Variants in ABCC9 observed in about 807,000 individuals in gnomAD.
The protein encoded by ABCC9 is ATP binding cassette subfamily C member 9.
In ABCC9, 95 loss-of-function variants were observed where a neutral mutation model predicts 188.3. That is an observed-to-expected ratio of 0.50 (90% CI 0.43 to 0.60). The LOEUF (loss-of-function observed/expected upper bound fraction) is 0.60. Ranked by LOEUF, ABCC9 falls within the 20% of genes least tolerant of loss-of-function variation. The probability of loss-of-function intolerance (pLI) is 0.00; values close to 1 mark genes in which losing one functional copy is unlikely to be tolerated. For synonymous variants in ABCC9, 659 were observed against 652.7 expected (o/e 1.01, Z -0.15); for missense variants, 1,102 against 1,876.3 (o/e 0.59, Z 7.62).
chr12:21,819,356 G>A (rs1373980804), intron 31 of ABCC9, among the ~76,000 whole-genome samples: 1 of 152,082 alleles, frequency 6.6e-6, no homozygotes, highest in Non-Finnish European at 1.5e-5. Flanking sequence ...ACACATTAAT[G>A]ACAGTAATGG....
At chr12:21,840,393 TATTA>T (rs1477359172) in intron 29 of ABCC9, among the ~76,000 whole-genome samples, 1 of 152,230 alleles carries the variant, frequency 6.6e-6, no homozygotes, top group East Asian at 1.9e-4. Context: ...CCATTGTCAA[TATTA>T]ATTCTTTAAA....
At chr12:21,805,235 A>G (rs887861020) in intron 39 of ABCC9, 2 of 1,614,062 alleles carry the variant, frequency 1.2e-6, no homozygotes, top group Non-Finnish European at 1.7e-6. Context: ...CAAATTTGGG[A>G]CAGTATCACA....
intron 31 of ABCC9, among the ~76,000 whole-genome samples, chr12:21,820,939 C>T (rs2137217599): frequency 6.6e-6 from 1 of 152,282 alleles, no homozygotes; most frequent in South Asian, 2.1e-4. Flanking sequence ...TTAGAATCTA[C>T]GTTCCATGAG....
In ABCC9 at chr12:21,845,630, A is replaced by G; in HGVS notation, c.3069T>C (p.Ser1023=). 6.2e-7 allele frequency: 1 copy of G among 1,613,690 alleles called. No individual in the cohort carries two copies. Among genetic ancestry groups the G allele is most frequent in the East Asian group, 2.2e-5 (1 of 44,858 alleles). ...GATCAGCTTTTCCAGTATTGTTTATACTGTACTCCGATGTCCATGTGGCCA... is the reference window on the plus strand; with the variant it reads ...GATCAGCTTTTCCAGTATTGTTTATGCTGTACTCCGATGTCCATGTGGCCA... ...YWLATWTSEY[S]INNTGKADQT... Residue 1023 remains serine (S), a synonymous_variant, in exon 26 of 40, where the codon AGT becomes AGC. Coordinates refer to ENST00000261200, the MANE Select transcript of ABCC9 (RefSeq NM_020297.4).
intron 18 of ABCC9, among the ~76,000 whole-genome samples, chr12:21,865,218 A>G (rs768314): frequency 0.038 from 5,850 of 152,216 alleles, 249 homozygotes; most frequent in Admixed American, 0.11. Flanking sequence ...CAGAAACTCC[A>G]AAAATTGATT....
At chr12:21,857,515 C>A (rs1049732628) in intron 22 of ABCC9, among the ~76,000 whole-genome samples, 1 of 152,080 alleles carries the variant, frequency 6.6e-6, no homozygotes, top group Non-Finnish European at 1.5e-5. Flanking sequence ...TGGTCCTAAT[C>A]CCCAGAACCT....
chr12:21,906,415 T>G lies in ABCC9; in HGVS notation c.1456-127A>C, dbSNP rs368185245. 7.5e-6 allele frequency: 7 copies of G among 936,184 alleles called. No individual in the cohort carries two copies. The African/African-American group carries it at 8.4e-5, about 11-fold the overall frequency. The allele number at this position is 936,184 out of a possible 1,614,324, so 58.0% of individuals were successfully genotyped here. On this transcript the variant is annotated intron_variant, in intron 11 of 39. Transcript: ENST00000261200. ...TGGCCCTGCCACTCACTAATTAGGT[T>G]GTGAAGTTCCCAGGAGAAGCAATTA...
At chr12:21,838,050 C>G (rs1299743168) in intron 30 of ABCC9, 28 bp downstream of exon 30, 1 of 1,506,800 alleles carries the variant, frequency 6.6e-7, no homozygotes, top group East Asian at 2.3e-5. Flanking sequence ...ATTGCCTAGT[C>G]AGCTAATATA....
intron 38 of ABCC9, among the ~76,000 whole-genome samples, chr12:21,806,811 T>A (rs934438284): frequency 1.3e-5 from 2 of 152,208 alleles, no homozygotes; most frequent in African/African-American, 4.8e-5. Context: ...TCTGGACAGA[T>A]CTTTCTTGGA....
At position 21,882,998 on chromosome 12, in the gene ABCC9, T is replaced by G. The variant is rs373460348; in HGVS notation, c.1912-125A>C. 32 of 743,460 alleles carry G rather than the reference T, an allele frequency of 4.3e-5. No homozygotes were observed. In the African/African-American group the frequency reaches 5.5e-4, roughly 13 times the overall value. The allele number at this position is 743,460 out of a possible 1,614,324, so 46.1% of individuals were successfully genotyped here. On this transcript the variant is annotated intron_variant, in intron 15 of 39. Coordinates refer to ENST00000261200, the MANE Select transcript of ABCC9 (RefSeq NM_020297.4). Reference sequence around the variant, plus strand: ...GAAGTGGATGTTATATTTTAATTATTTCAGTGACTCCTTCATAAAAAAAAA... The same window carrying G: ...GAAGTGGATGTTATATTTTAATTATGTCAGTGACTCCTTCATAAAAAAAAA...
At chr12:21,816,141 G>A (rs963750346) in intron 33 of ABCC9, among the ~76,000 whole-genome samples, 4 of 108,932 alleles carry the variant, frequency 3.7e-5, no homozygotes, top group Admixed American at 3.5e-4. Flanking sequence ...AGTTTTTTTC[G>A]TGTTTGTTTT....
At chr12:21,931,258 TC>T (rs1486956681) in intron 4 of ABCC9, among the ~76,000 whole-genome samples, 1 of 152,092 alleles carries the variant, frequency 6.6e-6, no homozygotes, top group Non-Finnish European at 1.5e-5. Context: ...AGGGTCTTTT[TC>T]CCCTTTGCTC....
chr12:21,886,830 A>G (rs1334096515), intron 15 of ABCC9, among the ~76,000 whole-genome samples: 2 of 152,070 alleles, frequency 1.3e-5, no homozygotes, highest in East Asian at 3.9e-4. Context: ...TGCATCTACT[A>G]GTTCTCCTGC....
intron 14 of ABCC9, among the ~76,000 whole-genome samples, chr12:21,891,408 GACAAGAAC>G (rs1183834055): frequency 6.6e-6 from 1 of 152,064 alleles, no homozygotes; most frequent in Non-Finnish European, 1.5e-5. Flanking sequence ...TGTGAAAGTA[GACAAGAAC>G]ACTTCATCAT....
rs1364977237 is a variant in ABCC9 at position 21,941,060 on chromosome 12, G to C, written c.-137+140C>G. ...TCCCTTAATTCTAGAAATAGCGATC[G>C]CGAAAGCTAAGTGCCGAGAAGTGCG... is the stretch of plus-strand genomic sequence containing the variant. On this transcript the variant is annotated intron_variant, in intron 1 of 39. Coordinates refer to ENST00000261200, the MANE Select transcript of ABCC9 (RefSeq NM_020297.4). This position sits in a 1 kb window ranked among gnomAD's most constrained non-coding sequence, Gnocchi z 5.4. The C allele has an allele frequency of 6.6e-6, 1 of 152,178 alleles. No individual in the cohort carries two copies. The highest frequency in any genetic ancestry group is 6.5e-5 in the Admixed American group (1 of 15,280). The allele number at this position is 152,178 out of a possible 1,614,324, so 9.4% of individuals were successfully genotyped here.
intron 10 of ABCC9, 138 bp from the exon 11 acceptor site, chr12:21,908,349 C>T (rs529000103): frequency 9.2e-7 from 1 of 1,092,896 alleles, no homozygotes; most frequent in African/African-American, 1.6e-5. Context: ...TATTAGGGTT[C>T]TCTAGAGGGA....
intron 12 of ABCC9, among the ~76,000 whole-genome samples, chr12:21,903,296 A>G (rs1307962685): frequency 6.6e-6 from 1 of 152,214 alleles, no homozygotes; most frequent in African/African-American, 2.4e-5. Context: ...AATAAGAGCT[A>G]TTTATGACAA....
At chr12:21,886,040 G>A (rs1030592368) in intron 15 of ABCC9, among the ~76,000 whole-genome samples, 2 of 151,764 alleles carry the variant, frequency 1.3e-5, no homozygotes, top group East Asian at 1.9e-4. Context: ...TATGACTCAC[G>A]GTGGAATAAT....
At chr12:21,930,935 C>T (rs1949258481) in intron 4 of ABCC9, among the ~76,000 whole-genome samples, 1 of 152,072 alleles carries the variant, frequency 6.6e-6, no homozygotes, top group South Asian at 2.1e-4. Flanking sequence ...TCTCTATTTT[C>T]TACTCAATTT....
Sources: gnomAD v4.1 joint callset for allele counts (sites outside exome capture counted in the v4.1 genomes callset) on GRCh38, gnomAD v4.1.1 for gene constraint, Gnocchi (gnomAD v3.1) non-coding constraint, MANE v1.5 for transcripts, NCBI Gene and HGNC (gene_info 2026-07-23, HGNC 2026-07-21) for gene names.